Variants in ADARB1 observed in about 807,000 individuals in gnomAD.
ADARB1 encodes double-stranded RNA-specific editase 1.
ADARB1 carries 10 observed loss-of-function variants against 52.4 expected under a neutral mutation model. The observed-to-expected ratio is 0.19, with a 90% CI of 0.12 to 0.32. ADARB1 has a LOEUF of 0.32. Among genes scored for constraint, ADARB1 ranks in the 10% least tolerant of loss-of-function variants. The pLI, the probability that ADARB1 is intolerant of heterozygous loss-of-function variation, is 1.00. For synonymous variants in ADARB1, 349 were observed against 371.1 expected, an observed-to-expected ratio of 0.94 and a Z score of 0.68; for missense variants, 643 against 922.3, an observed-to-expected ratio of 0.70 and a Z score of 3.92.
chr21:45,195,873 A>G (rs1334590523), intron 8 of ADARB1, among the ~76,000 whole-genome samples: 1 of 152,146 alleles, frequency 6.6e-6, no homozygotes, highest in Admixed American at 6.5e-5. Flanking sequence ...TTCCTTCAAT[A>G]CTGTGTTTGC....
At chr21:45,144,127 T>C (rs2089889540) in intron 2 of ADARB1, among the ~76,000 whole-genome samples, 1 of 152,262 alleles carries the variant, frequency 6.6e-6, no homozygotes, top group South Asian at 2.1e-4. Context: ...GGTACTTTAA[T>C]ATTACGTTAA....
chr21:45,171,772 T>G, intron 3 of ADARB1, 88 bp downstream of exon 3: 1 of 1,240,206 alleles, frequency 8.1e-7, no homozygotes, highest in African/African-American at 1.5e-5. Context: ...ATGAGACCAG[T>G]GTGGGGATTG....
At chr21:45,085,267 G>C (rs1323225588) in intron 1 of ADARB1, among the ~76,000 whole-genome samples, 1 of 152,204 alleles carries the variant, frequency 6.6e-6, no homozygotes, top group African/African-American at 2.4e-5. Flanking sequence ...TTTTGTCTTA[G>C]GGATATCCCC....
At chr21:45,191,076 A>T (rs1243772358) in intron 8 of ADARB1, among the ~76,000 whole-genome samples, 1 of 152,220 alleles carries the variant, frequency 6.6e-6, no homozygotes, top group Non-Finnish European at 1.5e-5. Flanking sequence ...TTGTTAACTC[A>T]GGGTCTCTAT....
chr21:45,184,846 T>C, intron 7 of ADARB1, 77 bp from the exon 8 acceptor site: 1 of 1,413,458 alleles, frequency 7.1e-7, no homozygotes, highest in Non-Finnish European at 9.7e-7. Context: ...ATTTATAAGC[T>C]ATTGTTAGAT....
chr21:45,149,401 G>T (rs1052285860), intron 2 of ADARB1, among the ~76,000 whole-genome samples: 1 of 152,228 alleles, frequency 6.6e-6, no homozygotes, highest in African/African-American at 2.4e-5. Flanking sequence ...CCTGACACTG[G>T]CAGGGGTTGG....
Position 45,221,080 on chromosome 21 carries a change from C to G in ADARB1, c.1926+66C>G. 6.7e-7 allele frequency: 1 copy of G among 1,495,118 alleles called. No individual in the cohort carries two copies. Among genetic ancestry groups the G allele is most frequent in the Non-Finnish European group, 9.0e-7 (1 of 1,111,818 alleles). 92.6% of individuals were successfully genotyped at this position (1,495,118 alleles called of 1,614,324 possible). A position where few individuals can be genotyped will look rare whatever the true frequency, so the allele number is the denominator to read the frequency against. The stretch of plus-strand genomic sequence containing the variant: ...CCCAATAGCTTGTCTGTCCTCACAC[C>G]TACTGTTCCTTAAGTTGTTTCATCA... On this transcript the variant is annotated intron_variant, in intron 10 of 10. Transcript: ENST00000348831. This position sits in a 1 kb window ranked among gnomAD's most constrained non-coding sequence, Gnocchi z 4.9.
At chr21:45,148,741 A>G (rs2090132998) in intron 2 of ADARB1, among the ~76,000 whole-genome samples, 1 of 152,128 alleles carries the variant, frequency 6.6e-6, no homozygotes, top group African/African-American at 2.4e-5. Flanking sequence ...GCTTTGCTCT[A>G]ACATCCGCCC....
chr21:45,191,622 A>AT (rs1318617465), intron 8 of ADARB1, among the ~76,000 whole-genome samples: 1 of 151,962 alleles, frequency 6.6e-6, no homozygotes, highest in African/African-American at 2.4e-5. Context: ...ATAGTCACTC[A>AT]TTGTTTTAAC....
intron 8 of ADARB1, among the ~76,000 whole-genome samples, chr21:45,193,664 G>A (rs563147227): frequency 1.3e-5 from 2 of 152,286 alleles, no homozygotes; most frequent in South Asian, 2.1e-4. Flanking sequence ...CTATGAGAAT[G>A]AATGAATGAT....
intron 1 of ADARB1, among the ~76,000 whole-genome samples, chr21:45,124,867 A>G (rs1309976798): frequency 6.6e-6 from 1 of 150,560 alleles, no homozygotes; most frequent in Non-Finnish European, 1.5e-5. Context: ...GTGCAATCTC[A>G]GCTCACTGCA....
Position 45,225,023 on chromosome 21 carries a change from A to T in ADARB1, c.*2826A>T. 1.0e-6 allele frequency: 1 copy of T among 985,694 alleles called. No homozygotes were observed. Among genetic ancestry groups the T allele is most frequent in the Non-Finnish European group, 1.2e-6 (1 of 830,120 alleles). The allele number at this position is 985,694 out of a possible 1,614,324, so 61.1% of individuals were successfully genotyped here. A position where few individuals can be genotyped will look rare whatever the true frequency, so the allele number is the denominator to read the frequency against. On this transcript the variant is annotated 3_prime_UTR_variant, in exon 11 of 11. Transcript: ENST00000348831. ...GGAACTTGATTTTTTAAGAAAAAAT[A>T]TTACATTTTGAGGACATTTTGACAA...
At chr21:45,193,186 C>A (rs1323506417) in intron 8 of ADARB1, among the ~76,000 whole-genome samples, 1 of 152,194 alleles carries the variant, frequency 6.6e-6, no homozygotes, top group African/African-American at 2.4e-5. Context: ...TCCAAAAGTT[C>A]TAGCAAAACT....
At chr21:45,085,151 G>A (rs1176776434) in intron 1 of ADARB1, among the ~76,000 whole-genome samples, 2 of 152,198 alleles carry the variant, frequency 1.3e-5, no homozygotes, top group Non-Finnish European at 2.9e-5. Flanking sequence ...GTTTCCACTA[G>A]GGACCTGCTC....
At chr21:45,106,326 G>T (rs556415938) in intron 1 of ADARB1, among the ~76,000 whole-genome samples, 2 of 152,032 alleles carry the variant, frequency 1.3e-5, no homozygotes, top group African/African-American at 4.8e-5. Flanking sequence ...ACCTAGACTC[G>T]TGTATTAAGT....
At chr21:45,162,907 T>G (rs1420908495) in intron 2 of ADARB1, among the ~76,000 whole-genome samples, 3 of 151,986 alleles carry the variant, frequency 2.0e-5, no homozygotes, top group Non-Finnish European at 4.4e-5. Context: ...GACCCAGATG[T>G]GAATCTTAAC....
Position 45,204,390 on chromosome 21 carries a change from C to T in ADARB1, c.1566-165C>T, listed in dbSNP as rs573982777. Among the ~76,000 whole-genome samples, 4 of 152,268 alleles carry T rather than the reference C, an allele frequency of 2.6e-5. No homozygotes were observed. The highest frequency in any genetic ancestry group is 4.4e-5 in the Non-Finnish European group (3 of 68,024). On this transcript the variant is annotated intron_variant, in intron 8 of 10. Coordinates refer to ENST00000348831, the MANE Select transcript of ADARB1 (RefSeq NM_001112.4). This position sits in a 1 kb window ranked among gnomAD's most constrained non-coding sequence, Gnocchi z 4.4. Reference sequence around the variant, plus strand: ...TTAAGTAGATTTTTGTCTTTGTGATCGTAAGCTGCTAAATCAGTCTGTTAA... The same window carrying T: ...TTAAGTAGATTTTTGTCTTTGTGATTGTAAGCTGCTAAATCAGTCTGTTAA...
Position 45,221,906 on chromosome 21 carries a change from T to A in ADARB1, c.1927-112T>A. The A allele has an allele frequency of 8.2e-7, 1 of 1,220,614 alleles. No homozygotes were observed. Among genetic ancestry groups the A allele is most frequent in the Non-Finnish European group, 1.1e-6 (1 of 873,674 alleles). 75.6% of individuals were successfully genotyped at this position (1,220,614 alleles called of 1,614,324 possible). A position where few individuals can be genotyped will look rare whatever the true frequency, so the allele number is the denominator to read the frequency against. ...AGAAGGCGCCTTCCTCTGGGTTGCTTTCCCCCCAGAAGCCAATGCAGTTCT... is the reference window on the plus strand; with the variant it reads ...AGAAGGCGCCTTCCTCTGGGTTGCTATCCCCCCAGAAGCCAATGCAGTTCT... On this transcript the variant is annotated intron_variant, in intron 10 of 10. Transcript: ENST00000348831. The surrounding 1 kb of genome is among the most constrained non-coding windows in gnomAD (Gnocchi z 4.9).
intron 8 of ADARB1, among the ~76,000 whole-genome samples, chr21:45,191,188 C>T (rs1012653845): frequency 3.3e-5 from 5 of 152,220 alleles, no homozygotes; most frequent in African/African-American, 1.2e-4. Context: ...AGCAACTTAA[C>T]TCACTTCTTA....
Sources: gnomAD v4.1 joint callset for allele counts (sites outside exome capture counted in the v4.1 genomes callset) on GRCh38, gnomAD v4.1.1 for gene constraint, Gnocchi (gnomAD v3.1) non-coding constraint, MANE v1.5 for transcripts, NCBI Gene and HGNC (gene_info 2026-07-23, HGNC 2026-07-21) for gene names.